TUBGCP4: variants seen among roughly 807,000 people sequenced by gnomAD.
TUBGCP4 encodes gamma-tubulin complex component 4.
TUBGCP4 carries 54 observed loss-of-function variants against 91.6 expected under a neutral mutation model. The ratio of observed to expected loss-of-function variants is 0.59; its 90% confidence interval spans 0.47 to 0.74. The LOEUF (loss-of-function observed/expected upper bound fraction) is 0.74. TUBGCP4 is among the 30% of genes least tolerant of loss of function. The pLI is 0.00. For synonymous variants in TUBGCP4, 297 were observed against 302.8 expected (o/e 0.98, Z 0.20); for missense variants, 593 against 800.9 (o/e 0.74, Z 3.13).
At position 43,409,233 on chromosome 15, in the gene TUBGCP4, C is replaced by A; in HGVS notation, c.*4019C>A. The A allele has an allele frequency of 1.4e-6, 1 of 733,226 alleles. No homozygotes were observed. Among genetic ancestry groups the A allele is most frequent in the Non-Finnish European group, 2.3e-6 (1 of 440,358 alleles). The allele number at this position is 733,226 out of a possible 1,614,324, so 45.4% of individuals were successfully genotyped here. ...AAAATGTGATTTAGTCTATCCTGCC[C>A]AAGGCCACTCTTCTCACTGGAAGGC... On this transcript the variant is annotated 3_prime_UTR_variant, in exon 18 of 18. Coordinates refer to ENST00000564079, the MANE Select transcript of TUBGCP4 (RefSeq NM_014444.5).
Position 43,406,772 on chromosome 15 carries a change from A to G in TUBGCP4, c.*1558A>G. On this transcript the variant is annotated 3_prime_UTR_variant, in exon 18 of 18. Transcript: ENST00000564079. ...CCAGGTGTTCTCACTTGTGCTTCCCATGTTTATCTTACGGAAGGTCATTCC... is the reference window on the plus strand; with the variant it reads ...CCAGGTGTTCTCACTTGTGCTTCCCGTGTTTATCTTACGGAAGGTCATTCC... 2 of 359,788 alleles carry G rather than the reference A, an allele frequency of 5.6e-6. No individual in the cohort carries two copies. Among genetic ancestry groups the G allele is most frequent in the South Asian group, 2.3e-5 (1 of 43,880 alleles). The allele number at this position is 359,788 out of a possible 1,614,324, so 22.3% of individuals were successfully genotyped here.
intron 9 of TUBGCP4, among the ~76,000 whole-genome samples, chr15:43,393,073 C>T (rs903509884): frequency 9.9e-5 from 15 of 152,162 alleles, no homozygotes; most frequent in African/African-American, 3.4e-4. Context: ...TTCTTTTACT[C>T]AGCATAATTA....
chr15:43,395,003 G>T, intron 9 of TUBGCP4, 104 bp from the exon 10 acceptor site: 3 of 1,237,936 alleles, frequency 2.4e-6, no homozygotes, highest in Non-Finnish European at 2.4e-6. Flanking sequence ...GTGGGGCAAG[G>T]TATAGTCTTC....
intron 1 of TUBGCP4, among the ~76,000 whole-genome samples, chr15:43,372,154 C>G (rs1009328676): frequency 2.0e-5 from 3 of 152,100 alleles, no homozygotes; most frequent in African/African-American, 7.2e-5. Flanking sequence ...ATCTAATGCT[C>G]TCAATAATTT....
rs747199103 is a variant in TUBGCP4, at chr15:43,407,704, C to T, written c.*2490C>T. 15 of 879,234 alleles carry T rather than the reference C, an allele frequency of 1.7e-5. No homozygotes were observed. Among genetic ancestry groups the T allele is most frequent in the Non-Finnish European group, 2.2e-5 (13 of 581,822 alleles). The allele number at this position is 879,234 out of a possible 1,614,324, so 54.5% of individuals were successfully genotyped here. On this transcript the variant is annotated 3_prime_UTR_variant, in exon 18 of 18. Coordinates refer to ENST00000564079, the MANE Select transcript of TUBGCP4 (RefSeq NM_014444.5). ...CCCTATTATGTCAAACACACTGCTACTGATCATGACCAAAGGCAGAGTTAT... is the reference window on the plus strand; with the variant it reads ...CCCTATTATGTCAAACACACTGCTATTGATCATGACCAAAGGCAGAGTTAT...
At chr15:43,404,352 T>C in intron 16 of TUBGCP4, 61 bp from the exon 17 acceptor site, 1 of 1,595,558 alleles carries the variant, frequency 6.3e-7, no homozygotes, top group South Asian at 1.1e-5. Context: ...TCCGCCCCCA[T>C]CCTCCATATG....
rs1289759586 is a variant in TUBGCP4 at position 43,397,335 on chromosome 15, C to T, written c.1279+14C>T. 5.1e-6 allele frequency: 8 copies of T among 1,583,650 alleles called. No individual in the cohort carries two copies. Among genetic ancestry groups the T allele is most frequent in the Non-Finnish European group, 6.9e-6 (8 of 1,152,192 alleles). ...AGGAGCACAAAGGTTTGCCATTCCTCCCTGCCACCTTAGAGTTCCTGCTGG... is the reference window on the plus strand; with the variant it reads ...AGGAGCACAAAGGTTTGCCATTCCTTCCTGCCACCTTAGAGTTCCTGCTGG... On this transcript the variant is annotated intron_variant, in intron 12 of 17. Transcript: ENST00000564079.
In TUBGCP4 at chr15:43,371,257, G is replaced by A; in HGVS notation, c.-98G>A. On this transcript the variant is annotated 5_prime_UTR_variant, in exon 1 of 18. Coordinates refer to ENST00000564079, the MANE Select transcript of TUBGCP4 (RefSeq NM_014444.5). ...GCACAAACCGCCCGACCCAGGGGCC[G>A]GTGCGCGTGTGGAAGGGGAAGCACT... 8.0e-7 allele frequency: 1 copy of A among 1,255,340 alleles called. No individual in the cohort carries two copies. The highest frequency in any genetic ancestry group is 1.1e-6 in the Non-Finnish European group (1 of 877,392). 77.8% of individuals were successfully genotyped at this position (1,255,340 alleles called of 1,614,324 possible). A position where few individuals can be genotyped will look rare whatever the true frequency, so the allele number is the denominator to read the frequency against.
In TUBGCP4 at chr15:43,377,906, G is replaced by A; in HGVS notation, c.441+3G>A. The A allele has an allele frequency of 2.5e-6, 4 of 1,599,076 alleles. No individual in the cohort carries two copies. Among genetic ancestry groups the A allele is most frequent in the Non-Finnish European group, 3.4e-6 (4 of 1,175,052 alleles). ...TAGAACAAATTAAAAGTCAAAAGGT[G>A]AGAACTTTCCTTATTCCTTTTGCTT... On this transcript the variant is annotated splice_donor_region_variant and intron_variant, in intron 5 of 17. Transcript: ENST00000564079.
Position 43,405,341 on chromosome 15 carries a change from T to C in TUBGCP4, c.*127T>C. 9.3e-7 allele frequency: 1 copy of C among 1,072,590 alleles called. No individual in the cohort carries two copies. Among genetic ancestry groups the C allele is most frequent in the Non-Finnish European group, 1.4e-6 (1 of 716,090 alleles). The allele number at this position is 1,072,590 out of a possible 1,614,324, so 66.4% of individuals were successfully genotyped here. A position where few individuals can be genotyped will look rare whatever the true frequency, so the allele number is the denominator to read the frequency against. ...CTTAGTGATAGGACTCTACCTTTTC[T>C]CCTAGAAGCAGTTACTGAACATCCA... On this transcript the variant is annotated 3_prime_UTR_variant, in exon 18 of 18. Coordinates refer to ENST00000564079, the MANE Select transcript of TUBGCP4 (RefSeq NM_014444.5).
rs544535127 is a variant in TUBGCP4 at position 43,388,499 on chromosome 15, C to A, written c.1014+2169C>A. On this transcript the variant is annotated intron_variant, in intron 9 of 17. Transcript: ENST00000564079. ...CAAAATTTTAAGACATTGCTTCAAC[C>A]CCGTCTATAGGCCAAGGCAGTTTCT... Among the ~76,000 whole-genome samples the A allele has an allele frequency of 1.1e-4, 16 of 152,240 alleles. No homozygotes were observed. In the South Asian group the frequency reaches 3.3e-3, roughly 32 times the overall value.
intron 16 of TUBGCP4, 146 bp downstream of exon 16, chr15:43,403,945 G>T (rs2044767373): frequency 7.9e-6 from 5 of 635,556 alleles, no homozygotes; most frequent in Non-Finnish European, 1.1e-5. Flanking sequence ...AAAAATGTTG[G>T]TATCAGTTGA....
chr15:43,387,501 A>G (rs1176510579), intron 9 of TUBGCP4, among the ~76,000 whole-genome samples: 1 of 151,982 alleles, frequency 6.6e-6, no homozygotes, highest in Non-Finnish European at 1.5e-5. Flanking sequence ...TTGCTGTGTC[A>G]CCCAGGTTGG....
chr15:43,408,295 T>C lies in TUBGCP4; in HGVS notation c.*3081T>C. The C allele has an allele frequency of 1.9e-6, 1 of 519,222 alleles. No homozygotes were observed. Among genetic ancestry groups the C allele is most frequent in the Non-Finnish European group, 3.4e-6 (1 of 290,752 alleles). 32.2% of individuals were successfully genotyped at this position (519,222 alleles called of 1,614,324 possible). On this transcript the variant is annotated 3_prime_UTR_variant, in exon 18 of 18. Coordinates refer to ENST00000564079, the MANE Select transcript of TUBGCP4 (RefSeq NM_014444.5). ...GAGTTCGAGACCAGCCTGGGCAATG[T>C]GGTGAGACCCCATCTCTACAAAAGA...
At chr15:43,375,169 C>G (rs2044187479) in intron 1 of TUBGCP4, among the ~76,000 whole-genome samples, 1 of 152,240 alleles carries the variant, frequency 6.6e-6, no homozygotes, top group African/African-American at 2.4e-5. Context: ...TCCCGAAATG[C>G]TGGGATTACA....
chr15:43,376,895 T>G, intron 3 of TUBGCP4, 119 bp from the exon 4 acceptor site: 2 of 990,370 alleles, frequency 2.0e-6, no homozygotes, highest in Non-Finnish European at 3.1e-6. Context: ...AAATTATCAG[T>G]TCTCGATAGC....
In TUBGCP4 at chr15:43,383,420, T is replaced by C. The variant is rs2142800214; in HGVS notation, c.639T>C (p.Asn213=). Residue 213 remains asparagine (N), a synonymous_variant, in exon 7 of 18, where the codon AAT becomes AAC. Coordinates refer to ENST00000564079, the MANE Select transcript of TUBGCP4 (RefSeq NM_014444.5). ...TCAAACAGGGGCCATCTTCTGGTAATGTCAGTGCCCAGCCAGAAGAGGACG... is the reference window on the plus strand; with the variant it reads ...TCAAACAGGGGCCATCTTCTGGTAACGTCAGTGCCCAGCCAGAAGAGGACG... ...FFIKQGPSSG[N]VSAQPEEDEE... is the part of the protein sequence containing the mutation. The C allele has an allele frequency of 1.9e-6, 3 of 1,614,190 alleles. No homozygotes were observed. The highest frequency in any genetic ancestry group is 2.2e-5 in the East Asian group (1 of 44,878).
Position 43,407,966 on chromosome 15 carries a change from T to C in TUBGCP4, c.*2752T>C. 1 of 1,613,608 alleles carries C rather than the reference T, an allele frequency of 6.2e-7. No homozygotes were observed. The highest frequency in any genetic ancestry group is 8.5e-7 in the Non-Finnish European group (1 of 1,179,982). On this transcript the variant is annotated 3_prime_UTR_variant, in exon 18 of 18. Coordinates refer to ENST00000564079, the MANE Select transcript of TUBGCP4 (RefSeq NM_014444.5). ...ACCTTTGTTATGGGCACTTGAATGG[T>C]GCTGCTTCACAGAGGCTGCACCACC...
Position 43,409,185 on chromosome 15 carries a change from C to A in TUBGCP4, c.*3971C>A. ...CCATAATGAGCCATGAAGAGCAGAT[C>A]TGAAGACTCCCAACTACTACCCAAA... On this transcript the variant is annotated 3_prime_UTR_variant, in exon 18 of 18. Transcript: ENST00000564079. The A allele has an allele frequency of 8.1e-7, 1 of 1,230,686 alleles. No homozygotes were observed. The highest frequency in any genetic ancestry group is 1.3e-5 in the South Asian group (1 of 77,388). The allele number at this position is 1,230,686 out of a possible 1,614,324, so 76.2% of individuals were successfully genotyped here.
Sources: gnomAD v4.1 joint callset for allele counts (sites outside exome capture counted in the v4.1 genomes callset) on GRCh38, gnomAD v4.1.1 for gene constraint, MANE v1.5 for transcripts, NCBI Gene and HGNC (gene_info 2026-07-23, HGNC 2026-07-21) for gene names.